Variants in PANX1 observed in about 807,000 individuals in gnomAD.
PANX1 encodes the protein pannexin-1.
PANX1 carries 30 observed loss-of-function variants against 38.7 expected under a neutral mutation model. That is an observed-to-expected ratio of 0.78 (90% confidence interval 0.58 to 1.05). The LOEUF is 1.05. PANX1 is among the 50% of genes least tolerant of loss of function. The pLI is 0.00. For missense variants in PANX1, 551 were observed against 517.2 expected (o/e 1.07, Z -0.63); for synonymous variants, 230 against 212.2 (o/e 1.08, Z -0.73).
At chr11:94,130,556 T>A (rs1433244032) in intron 1 of PANX1, among the ~76,000 whole-genome samples, 2 of 22,518 alleles carry the variant, frequency 8.9e-5, no homozygotes, top group Non-Finnish European at 1.6e-4. Flanking sequence ...GGTTGAATGA[T>A]GGTGGCATTT....
At chr11:94,177,725 T>C (rs922056844) in intron 2 of PANX1, among the ~76,000 whole-genome samples, 3 of 148,690 alleles carry the variant, frequency 2.0e-5, no homozygotes, top group African/African-American at 7.3e-5. Flanking sequence ...TTGATTCCCT[T>C]GCCCGTTGTG....
At chr11:94,137,682 G>A (rs376591324) in intron 1 of PANX1, among the ~76,000 whole-genome samples, 24 of 149,498 alleles carry the variant, frequency 1.6e-4, no homozygotes, top group African/African-American at 4.9e-4. Flanking sequence ...GAAAGGGGTG[G>A]TGGGGAGGGG....
Position 94,129,638 on chromosome 11 carries a change from T to C in PANX1, c.181+145T>C. 5.8e-6 allele frequency: 4 copies of C among 686,380 alleles called. No individual in the cohort carries two copies. In the South Asian group the frequency reaches 7.9e-5, roughly 14 times the overall value. 42.5% of individuals were successfully genotyped at this position (686,380 alleles called of 1,614,324 possible). On this transcript the variant is annotated intron_variant, in intron 1 of 4. Coordinates refer to ENST00000227638, the MANE Select transcript of PANX1 (RefSeq NM_015368.4). ...AAGGGCAGTGGCCCCAGTTTTATGG[T>C]CCAAAGCGTTCTTTGCCCAGGTGTT...
chr11:94,176,927 G>T (rs754244176), intron 2 of PANX1, among the ~76,000 whole-genome samples: 19 of 151,672 alleles, frequency 1.3e-4, no homozygotes, highest in Non-Finnish European at 2.8e-4. Context: ...TGCCAGGGTT[G>T]CTGTGAGGAC....
chr11:94,161,294 C>G (rs566101768), intron 2 of PANX1, among the ~76,000 whole-genome samples: 1 of 152,216 alleles, frequency 6.6e-6, no homozygotes, highest in South Asian at 2.1e-4. Flanking sequence ...TGGGGAAGTT[C>G]TCCTGGATAA....
Position 94,181,841 on chromosome 11 carries a change from T to C in PANX1, c.*972T>C, listed in dbSNP as rs1435454443. The C allele has an allele frequency of 6.6e-6, 1 of 152,210 alleles. No homozygotes were observed. Among genetic ancestry groups the C allele is most frequent in the Non-Finnish European group, 1.5e-5 (1 of 68,022 alleles). 9.4% of individuals were successfully genotyped at this position (152,210 alleles called of 1,614,324 possible). A position where few individuals can be genotyped will look rare whatever the true frequency, so the allele number is the denominator to read the frequency against. On this transcript the variant is annotated 3_prime_UTR_variant, in exon 5 of 5. Coordinates refer to ENST00000227638, the MANE Select transcript of PANX1 (RefSeq NM_015368.4). ...AGAAAAACTTAGCGGTTTATTTTGT[T>C]TATATTTAAGCACAGCTTTAAAAAA...
chr11:94,136,508 C>T (rs974249148), intron 1 of PANX1, among the ~76,000 whole-genome samples: 1 of 152,184 alleles, frequency 6.6e-6, no homozygotes, highest in Non-Finnish European at 1.5e-5. Context: ...CGGCCGGGCG[C>T]GGTGACTCAT....
At chr11:94,160,197 T>C (rs993348276) in intron 2 of PANX1, among the ~76,000 whole-genome samples, 1 of 152,218 alleles carries the variant, frequency 6.6e-6, no homozygotes, top group Non-Finnish European at 1.5e-5. Flanking sequence ...GAAGAATGTA[T>C]ATTCTGTTGA....
At chr11:94,129,587 C>CG in intron 1 of PANX1, 94 bp downstream of exon 1, 1 of 1,151,362 alleles carries the variant, frequency 8.7e-7, no homozygotes, top group East Asian at 2.5e-5. Context: ...TGGGTACGCC[C>CG]AGCTGTGATG....
intron 2 of PANX1, among the ~76,000 whole-genome samples, chr11:94,163,713 G>C (rs1378632664): frequency 6.6e-6 from 1 of 152,154 alleles, no homozygotes; most frequent in Non-Finnish European, 1.5e-5. Flanking sequence ...TGGTGTCATG[G>C]TTAAGACTGG....
At chr11:94,153,013 C>G (rs927210702) in intron 1 of PANX1, among the ~76,000 whole-genome samples, 1 of 152,156 alleles carries the variant, frequency 6.6e-6, no homozygotes, top group South Asian at 2.1e-4. Context: ...TGTTCTATTA[C>G]CAATGTTCCC....
chr11:94,140,241 C>T (rs1946746173), intron 1 of PANX1, among the ~76,000 whole-genome samples: 1 of 152,228 alleles, frequency 6.6e-6, no homozygotes, highest in African/African-American at 2.4e-5. Context: ...CCAGGAGGTC[C>T]CCTCACCTTA....
rs893632327 is a variant in PANX1 at position 94,149,042 on chromosome 11, G to A, written c.182-4449G>A. Among the ~76,000 whole-genome samples, 38 of 152,188 alleles carry A rather than the reference G, an allele frequency of 2.5e-4. 1 individual carries two copies. Among genetic ancestry groups the A allele is most frequent in the Admixed American group, 2.4e-3 (36 of 15,278 alleles). On this transcript the variant is annotated intron_variant, in intron 1 of 4. Coordinates refer to ENST00000227638, the MANE Select transcript of PANX1 (RefSeq NM_015368.4). ...CTTTCCTCACCTTTAAAATAGGGGT[G>A]AAAGTACACAGCAAGGGTTAGTTCC...
chr11:94,180,441 G>T (rs1249793181), intron 4 of PANX1, among the ~76,000 whole-genome samples, 184 bp downstream of exon 4: 9 of 152,202 alleles, frequency 5.9e-5, no homozygotes, highest in Non-Finnish European at 8.8e-5. Context: ...GAGAGGAAAA[G>T]AATTGGTGCT....
At position 94,180,799 on chromosome 11, in the gene PANX1, T is replaced by C. The variant is rs1164505427; in HGVS notation, c.1211T>C (p.Ile404Thr). ...TTTTCAATTTTGACAGGTATGAACA[T>C]AGACAGTGAAACTAAAGCAAATAAT... is the stretch of plus-strand genomic sequence containing the variant. ...NQTAELQGMNIDSETKANNGE... is the reference protein window; with the variant it reads ...NQTAELQGMNTDSETKANNGE... The change falls in exon 5 of 5, where the codon ATA (isoleucine) becomes ACA (threonine). Residue 404 changes from isoleucine (I) to threonine (T), a missense_variant. Physicochemically the swap from Ile to Thr is moderately conservative, Grantham distance 89 (BLOSUM62 -1). Coordinates refer to ENST00000227638, the MANE Select transcript of PANX1 (RefSeq NM_015368.4). 6.6e-7 allele frequency: 1 copy of C among 1,511,424 alleles called. No homozygotes were observed. Among genetic ancestry groups the C allele is most frequent in the East Asian group, 2.3e-5 (1 of 44,420 alleles). 93.6% of individuals were successfully genotyped at this position (1,511,424 alleles called of 1,614,324 possible). A position where few individuals can be genotyped will look rare whatever the true frequency, so the allele number is the denominator to read the frequency against.
chr11:94,163,064 G>A (rs1401905755), intron 2 of PANX1, among the ~76,000 whole-genome samples: 1 of 151,960 alleles, frequency 6.6e-6, no homozygotes, highest in Non-Finnish European at 1.5e-5. Context: ...TGTAGAAATG[G>A]TCTCAAACTC....
At chr11:94,165,633 G>A (rs1027257746) in intron 2 of PANX1, among the ~76,000 whole-genome samples, 6 of 152,124 alleles carry the variant, frequency 3.9e-5, no homozygotes, top group South Asian at 2.1e-4. Context: ...TTATGTGGCC[G>A]GGCACAGTGG....
intron 1 of PANX1, among the ~76,000 whole-genome samples, chr11:94,131,135 G>A (rs556304043): frequency 1.3e-5 from 2 of 152,032 alleles, no homozygotes; most frequent in Admixed American, 6.5e-5. Flanking sequence ...CCAAGGACCC[G>A]GGAGTAAAAG....
At chr11:94,141,780 C>T (rs550151452) in intron 1 of PANX1, among the ~76,000 whole-genome samples, 5 of 152,194 alleles carry the variant, frequency 3.3e-5, no homozygotes, top group South Asian at 4.2e-4. Flanking sequence ...AGACCTTGGA[C>T]AAGTTACAGA....
Sources: gnomAD v4.1 joint callset for allele counts (sites outside exome capture counted in the v4.1 genomes callset) on GRCh38, gnomAD v4.1.1 for gene constraint, MANE v1.5 for transcripts, NCBI Gene and HGNC (gene_info 2026-07-23, HGNC 2026-07-21) for gene names.